CCDC171: variants seen among roughly 807,000 people sequenced by gnomAD.
The protein encoded by CCDC171 is coiled-coil domain containing 171.
Under a neutral mutation model 168.2 loss-of-function variants are expected in CCDC171, and 177 were observed. That is an observed-to-expected ratio of 1.05 (90% CI 0.93 to 1.19). The LOEUF is 1.19. CCDC171 is among the 50% of genes most tolerant of loss of function. CCDC171 has a pLI of 0.00. For synonymous variants in CCDC171, 687 were observed against 540.8 expected (o/e 1.27, Z -3.75); for missense variants, 1,991 against 1,539.0 (o/e 1.29, Z -4.91).
chr9:15,642,315 G>GTATATATA (rs150606956), intron 7 of CCDC171, among the ~76,000 whole-genome samples: 1,886 of 121,386 alleles, frequency 0.016, 31 homozygotes, highest in Admixed American at 0.048. Context: ...ATGTATACAC[G>GTATATATA]TATATATATA....
chr9:15,873,633 T>C (rs1817472203), intron 23 of CCDC171, among the ~76,000 whole-genome samples: 1 of 152,144 alleles, frequency 6.6e-6, no homozygotes, highest in Non-Finnish European at 1.5e-5. Flanking sequence ...TGAGAGCTTT[T>C]TGTTCTTAAA....
At chr9:15,572,069 A>G (rs1282857543) in intron 3 of CCDC171, among the ~76,000 whole-genome samples, 2 of 152,342 alleles carry the variant, frequency 1.3e-5, no homozygotes, top group East Asian at 1.9e-4. Context: ...TTTTGAAATC[A>G]TAATGTAGGT....
intron 25 of CCDC171, among the ~76,000 whole-genome samples, chr9:15,961,110 G>A (rs1215654052): frequency 6.6e-6 from 1 of 152,074 alleles, no homozygotes; most frequent in Non-Finnish European, 1.5e-5. Context: ...GAAAGGTTTA[G>A]GAAAGTCATT....
chr9:15,555,234 T>C (rs1216722934), intron 1 of CCDC171, among the ~76,000 whole-genome samples: 2 of 152,152 alleles, frequency 1.3e-5, no homozygotes, highest in Admixed American at 6.5e-5. Context: ...CCATCATCTA[T>C]TTTAGTAGGA....
chr9:15,603,670 G>A (rs546652252), intron 6 of CCDC171, among the ~76,000 whole-genome samples: 70 of 151,874 alleles, frequency 4.6e-4, no homozygotes, highest in African/African-American at 1.6e-3. Context: ...CATTTGGGTT[G>A]ATTCCATCTC....
chr9:16,074,400 T>G, the CCDC171 span, among the ~76,000 whole-genome samples: 1 of 152,196 alleles, frequency 6.6e-6, no homozygotes, highest in South Asian at 2.1e-4. Context: ...AACCAGAAGT[T>G]GGGCTAATTT....
chr9:16,105,267 CG>C, the CCDC171 span, among the ~76,000 whole-genome samples: 2 of 152,092 alleles, frequency 1.3e-5, no homozygotes, highest in Admixed American at 1.3e-4. Flanking sequence ...TATCTGAGGG[CG>C]GGAGAAGTGT....
At chr9:15,859,078 A>G (rs554436799) in intron 23 of CCDC171, among the ~76,000 whole-genome samples, 5 of 152,156 alleles carry the variant, frequency 3.3e-5, no homozygotes, top group South Asian at 2.1e-4. Flanking sequence ...TAGTTTGTTG[A>G]GAATTTTTAT....
rs139609981 is a variant in CCDC171, at chr9:15,741,830, G to A, written c.2050-2443G>A. 9.9e-5 allele frequency among the ~76,000 whole-genome samples: 15 copies of A among 152,198 alleles called. No individual in the cohort carries two copies. The East Asian group carries it at 2.7e-3, about 27-fold the overall frequency. ...AATGTTAAATACTAGTGGAGATAGT[G>A]GGTGTTCTTGCATTGCTCCGGAACT... On this transcript the variant is annotated intron_variant, in intron 16 of 25. Coordinates refer to ENST00000380701, the MANE Select transcript of CCDC171 (RefSeq NM_173550.4).
At chr9:15,712,249 T>A (rs2052724097) in intron 11 of CCDC171, among the ~76,000 whole-genome samples, 1 of 152,214 alleles carries the variant, frequency 6.6e-6, no homozygotes, top group Non-Finnish European at 1.5e-5. Flanking sequence ...GAAATAGTGT[T>A]TAACCACATA....
chr9:15,724,962 C>T lies in CCDC171; in HGVS notation c.1678C>T (p.His560Tyr). ...ACTGCAGAAGCTTTCCCAGGCTTTC[C>T]ATAAGGATGCAGAGGTATTACCTGA... ...SELQKLSQAFHKDAEEKLTFL... is the reference protein window; with the variant it reads ...SELQKLSQAFYKDAEEKLTFL... The change falls in exon 14 of 26, where the codon CAT becomes TAT. Residue 560 changes from histidine to tyrosine, a missense_variant. Physicochemically the swap from His to Tyr is moderately conservative, Grantham distance 83 (BLOSUM62 2). Transcript: ENST00000380701. The T allele has an allele frequency of 6.2e-7, 1 of 1,613,558 alleles. No homozygotes were observed. The highest frequency in any genetic ancestry group is 1.3e-5 in the African/African-American group (1 of 75,006).
At chr9:15,938,466 C>T (rs1482467931) in intron 25 of CCDC171, among the ~76,000 whole-genome samples, 1 of 151,526 alleles carries the variant, frequency 6.6e-6, no homozygotes, top group African/African-American at 2.4e-5. Context: ...TAAAAAATGA[C>T]TGTATATAAA....
intron 18 of CCDC171, among the ~76,000 whole-genome samples, chr9:15,773,955 A>G (rs10962149): frequency 0.49 from 74,902 of 151,916 alleles, 18,877 homozygotes; most frequent in East Asian, 0.77. Flanking sequence ...GAACAAAACA[A>G]TCTGATTAGG....
chr9:15,694,742 C>G (rs543379466), intron 10 of CCDC171, among the ~76,000 whole-genome samples: 1 of 152,208 alleles, frequency 6.6e-6, no homozygotes, highest in African/African-American at 2.4e-5. Context: ...TCCAGTGCTT[C>G]CATTCCCTAC....
At chr9:15,845,772 A>G (rs543203064) in intron 21 of CCDC171, 30 of 152,194 alleles carry the variant, frequency 2.0e-4, no homozygotes, top group African/African-American at 7.2e-4. Flanking sequence ...CTTATTCTAG[A>G]AATTTTTTCG....
At position 15,693,317 on chromosome 9, in the gene CCDC171, G is replaced by A. The variant is rs557001526; in HGVS notation, c.1216-1918G>A. On this transcript the variant is annotated intron_variant, in intron 10 of 25. Coordinates refer to ENST00000380701, the MANE Select transcript of CCDC171 (RefSeq NM_173550.4). ...TAGCTGAACAAGATAACTTAGATAT[G>A]TTTTCATTGATGAAGGGCATCCTCC... Among the ~76,000 whole-genome samples, 5 of 152,220 alleles carry A rather than the reference G, an allele frequency of 3.3e-5. No homozygotes were observed. In the South Asian group the frequency reaches 8.3e-4, roughly 25 times the overall value.
intron 3 of CCDC171, among the ~76,000 whole-genome samples, chr9:15,575,093 A>G (rs895685988): frequency 6.6e-6 from 1 of 151,642 alleles, no homozygotes; most frequent in African/African-American, 2.4e-5. Context: ...CCAGATAGTG[A>G]TAACAGAGCA....
chr9:16,003,046 C>G (rs376921840), intron 3 of CCDC171, among the ~76,000 whole-genome samples: 25 of 152,320 alleles, frequency 1.6e-4, no homozygotes, highest in African/African-American at 5.8e-4. Flanking sequence ...TTAAGTGATG[C>G]ACGACTCTAT....
chr9:16,090,372 C>T, the CCDC171 span, among the ~76,000 whole-genome samples: 1 of 151,956 alleles, frequency 6.6e-6, no homozygotes. Context: ...ACAATGAAAA[C>T]ACATGGACAC....
Sources: gnomAD v4.1 joint callset for allele counts (sites outside exome capture counted in the v4.1 genomes callset) on GRCh38, gnomAD v4.1.1 for gene constraint, MANE v1.5 for transcripts, NCBI Gene and HGNC (gene_info 2026-07-23, HGNC 2026-07-21) for gene names.